CDH18: variants seen among roughly 807,000 people sequenced by gnomAD.
The protein encoded by CDH18 is cadherin-18.
CDH18 carries 31 observed loss-of-function variants against 67.9 expected under a neutral mutation model. The ratio of observed to expected loss-of-function variants is 0.46; its 90% CI spans 0.34 to 0.62. The LOEUF is 0.62. CDH18 is among the 20% of genes least tolerant of loss of function. The pLI is 0.01. For synonymous variants in CDH18, 362 were observed against 347.2 expected, an observed-to-expected ratio of 1.04 and a Z score of -0.48; for missense variants, 890 against 975.5, an observed-to-expected ratio of 0.91 and a Z score of 1.17.
At chr5:19,616,545 C>A (rs965644986) in intron 5 of CDH18, among the ~76,000 whole-genome samples, 4 of 152,110 alleles carry the variant, frequency 2.6e-5, no homozygotes, top group African/African-American at 9.7e-5. Context: ...TTTTGTCATT[C>A]TAACTTTTAG....
chr5:19,988,307 C>G (rs77926471), upstream of CDH18: 5 of 153,182 alleles, frequency 3.3e-5, no homozygotes, highest in African/African-American at 1.2e-4. Flanking sequence ...TGCGCTCTCC[C>G]GGTCTCTCCT....
At chr5:20,528,233 C>A (rs963373643) in intron 1 of CDH18, among the ~76,000 whole-genome samples, 1 of 151,950 alleles carries the variant, frequency 6.6e-6, no homozygotes. Flanking sequence ...TATGTATGCA[C>A]CCAATACAAG....
chr5:20,086,293 G>T (rs916950023), intron 2 of CDH18, among the ~76,000 whole-genome samples: 1 of 152,146 alleles, frequency 6.6e-6, no homozygotes, highest in African/African-American at 2.4e-5. Context: ...AGAAATCATT[G>T]GTTCATGAAG....
At chr5:19,520,059 C>T (rs1351202101) in intron 10 of CDH18, among the ~76,000 whole-genome samples, 1 of 152,198 alleles carries the variant, frequency 6.6e-6, no homozygotes, top group Non-Finnish European at 1.5e-5. Flanking sequence ...AAATGCACAA[C>T]CCCTTTCAGT....
intron 5 of CDH18, among the ~76,000 whole-genome samples, chr5:19,636,788 A>T (rs1458899500): frequency 2.6e-5 from 4 of 152,110 alleles, no homozygotes; most frequent in Non-Finnish European, 5.9e-5. Context: ...CAAAAAAAAA[A>T]TGCCTTTGGA....
intron 7 of CDH18, among the ~76,000 whole-genome samples, chr5:19,581,125 T>C (rs1027239007): frequency 1.3e-5 from 2 of 151,974 alleles, no homozygotes; most frequent in African/African-American, 4.8e-5. Context: ...TCTGGCATAA[T>C]TTTTTACTTC....
At chr5:19,515,739 G>T (rs1359798702) in intron 10 of CDH18, among the ~76,000 whole-genome samples, 3 of 152,130 alleles carry the variant, frequency 2.0e-5, no homozygotes, top group Admixed American at 2.0e-4. Context: ...ATCAGCTTAA[G>T]AAGATTTTGG....
chr5:19,748,112 C>CAAAAAAAAAAAAAAAAAAA (rs766955714), intron 3 of CDH18, among the ~76,000 whole-genome samples: 325 of 14,856 alleles, frequency 0.022, 123 homozygotes, highest in East Asian at 0.049. Flanking sequence ...GACTCCATCT[C>CAAAAAAAAAAAAAAAAAAA]AAAAAAAAAA....
intron 2 of CDH18, among the ~76,000 whole-genome samples, chr5:19,896,525 G>A (rs1482543481): frequency 6.6e-6 from 1 of 152,120 alleles, no homozygotes; most frequent in African/African-American, 2.4e-5. Context: ...ACCAGCCACT[G>A]GGAGCTGGAA....
At chr5:19,477,706 A>G (rs570120813) in intron 12 of CDH18, among the ~76,000 whole-genome samples, 1 of 152,146 alleles carries the variant, frequency 6.6e-6, no homozygotes, top group Non-Finnish European at 1.5e-5. Context: ...AATGTATTCA[A>G]ATGACCCTGA....
At chr5:19,501,206 CATAT>C (rs894961814) in intron 11 of CDH18, among the ~76,000 whole-genome samples, 2 of 147,420 alleles carry the variant, frequency 1.4e-5, no homozygotes, top group Non-Finnish European at 3.0e-5. Flanking sequence ...CATATATAAA[CATAT>C]ATATAATTAC....
chr5:19,868,782 A>G (rs1480612633), intron 2 of CDH18, among the ~76,000 whole-genome samples: 1 of 152,102 alleles, frequency 6.6e-6, no homozygotes, highest in Non-Finnish European at 1.5e-5. Context: ...AGCATAAAAG[A>G]CCATACAACT....
At chr5:20,173,103 C>T (rs769795221) in intron 2 of CDH18, among the ~76,000 whole-genome samples, 2 of 152,044 alleles carry the variant, frequency 1.3e-5, no homozygotes, top group Non-Finnish European at 2.9e-5. Flanking sequence ...CTGCAAGAGG[C>T]TAATGTGAAC....
intron 3 of CDH18, among the ~76,000 whole-genome samples, chr5:19,757,688 A>G (rs930801398): frequency 5.9e-5 from 9 of 152,290 alleles, no homozygotes; most frequent in East Asian, 1.9e-4. Context: ...GTCCACCCAC[A>G]TAACTCTTCC....
chr5:20,091,160 G>C (rs148817020), intron 2 of CDH18, among the ~76,000 whole-genome samples: 1 of 152,062 alleles, frequency 6.6e-6, no homozygotes, highest in Non-Finnish European at 1.5e-5. Context: ...AATGCAAGTT[G>C]AATTTTTTTA....
intron 2 of CDH18, among the ~76,000 whole-genome samples, chr5:20,063,477 A>G (rs1476945943): frequency 1.3e-5 from 2 of 152,068 alleles, no homozygotes; most frequent in Non-Finnish European, 2.9e-5. Context: ...TAGCAATCCC[A>G]AAGAATCAAC....
rs1212890885 is a variant in CDH18, at chr5:20,304,443, C to CT, written c.-579-48939dup. 4 of 1,506,152 alleles carry CT rather than the reference C, an allele frequency of 2.7e-6. No individual in the cohort carries two copies. The East Asian group carries it at 9.0e-5, about 34-fold the overall frequency. The allele number at this position is 1,506,152 out of a possible 1,614,324, so 93.3% of individuals were successfully genotyped here. A position where few individuals can be genotyped will look rare whatever the true frequency, so the allele number is the denominator to read the frequency against. Reference sequence around the variant, plus strand: ...GGTAGCTCATGATTCTCTTCTTCATCTCCACCTTTGCATTCACCACTGTCA... The same window carrying CT: ...GGTAGCTCATGATTCTCTTCTTCATCTTCCACCTTTGCATTCACCACTGTCA... On this transcript the variant is annotated intron_variant, in intron 1 of 14. Transcript: ENST00000507958.
intron 2 of CDH18, among the ~76,000 whole-genome samples, chr5:20,075,855 T>C (rs529976425): frequency 2.6e-5 from 4 of 152,270 alleles, no homozygotes; most frequent in East Asian, 3.9e-4. Context: ...AAACATGCCA[T>C]GTTCACAGAT....
intron 5 of CDH18, among the ~76,000 whole-genome samples, chr5:19,671,907 A>T (rs184912627): frequency 6.6e-6 from 1 of 152,236 alleles, no homozygotes; most frequent in Admixed American, 6.6e-5. Flanking sequence ...ATCACAAGAT[A>T]GTCACCACCA....
Sources: gnomAD v4.1 joint callset for allele counts (sites outside exome capture counted in the v4.1 genomes callset) on GRCh38, gnomAD v4.1.1 for gene constraint, MANE v1.5 for transcripts, NCBI Gene and HGNC (gene_info 2026-07-23, HGNC 2026-07-21) for gene names.